Variants in WWTR1 observed in about 807,000 individuals in gnomAD.
WWTR1 encodes WW domain-containing transcription regulator protein 1.
WWTR1 carries 13 observed loss-of-function variants against 40.1 expected under a neutral mutation model. The ratio of observed to expected loss-of-function variants is 0.32; its 90% CI spans 0.21 to 0.52. The LOEUF (loss-of-function observed/expected upper bound fraction) is 0.52. WWTR1 is among the 20% of genes least tolerant of loss of function. The pLI is 0.97. For missense variants in WWTR1, 436 were observed against 523.1 expected (o/e 0.83, Z 1.63); for synonymous variants, 230 against 210.1 (o/e 1.09, Z -0.82).
At chr3:149,554,723 T>C (rs1306393733) in intron 3 of WWTR1, among the ~76,000 whole-genome samples, 1 of 152,160 alleles carries the variant, frequency 6.6e-6, no homozygotes, top group Non-Finnish European at 1.5e-5. Context: ...AAGAACTCTT[T>C]CTTCCACCTA....
chr3:149,694,033 G>A (rs1330631624), intron 1 of WWTR1, among the ~76,000 whole-genome samples: 1 of 152,120 alleles, frequency 6.6e-6, no homozygotes, highest in African/African-American at 2.4e-5. Context: ...GACAGCAAAG[G>A]ATATTATCAA....
chr3:149,695,813 A>T lies in WWTR1; in HGVS notation c.-108+7311T>A, dbSNP rs112708202. Among the ~76,000 whole-genome samples, 961 of 148,058 alleles carry T rather than the reference A, an allele frequency of 6.5e-3. 10 individuals carry two copies. The highest frequency in any genetic ancestry group is 0.022 in the African/African-American group (910 of 40,764). ...GAAAAAAATATATATATATATATTT[A>T]AAAAAGATCACACAGGAGGCCGGAC... On this transcript the variant is annotated intron_variant, in intron 1 of 7. Coordinates refer to the WWTR1 transcript ENST00000465804.
At chr3:149,576,546 T>C (rs1457783720) in intron 2 of WWTR1, among the ~76,000 whole-genome samples, 1 of 152,166 alleles carries the variant, frequency 6.6e-6, no homozygotes, top group Non-Finnish European at 1.5e-5. Context: ...TTAGTCTACT[T>C]CAAGAAAAAC....
At chr3:149,626,101 G>A (rs1342124716) in intron 2 of WWTR1, among the ~76,000 whole-genome samples, 2 of 152,134 alleles carry the variant, frequency 1.3e-5, no homozygotes, top group East Asian at 3.8e-4. Flanking sequence ...TTTCCTGCAG[G>A]CGCCAGGAAA....
At chr3:149,685,160 A>C (rs908372808) in intron 1 of WWTR1, among the ~76,000 whole-genome samples, 3 of 152,120 alleles carry the variant, frequency 2.0e-5, no homozygotes, top group Non-Finnish European at 4.4e-5. Context: ...CAAACCACTA[A>C]TTTAGCTGTT....
intron 4 of WWTR1, among the ~76,000 whole-genome samples, chr3:149,533,036 G>T (rs1735663368): frequency 6.6e-6 from 1 of 152,188 alleles, no homozygotes; most frequent in Non-Finnish European, 1.5e-5. Context: ...TCTAGTCGAG[G>T]CAGGAAAACA....
intron 4 of WWTR1, among the ~76,000 whole-genome samples, chr3:149,539,911 T>C (rs1736010044): frequency 6.6e-6 from 1 of 152,078 alleles, no homozygotes; most frequent in Non-Finnish European, 1.5e-5. Flanking sequence ...ATTTATTATA[T>C]GGTCTTAAAT....
At chr3:149,602,400 G>A (rs1385954751) in intron 2 of WWTR1, among the ~76,000 whole-genome samples, 1 of 152,208 alleles carries the variant, frequency 6.6e-6, no homozygotes, top group African/African-American at 2.4e-5. Context: ...AGATGGGAAG[G>A]CGTTATTGGC....
intron 3 of WWTR1, among the ~76,000 whole-genome samples, chr3:149,543,003 T>G (rs1411182158): frequency 6.6e-6 from 1 of 152,092 alleles, no homozygotes; most frequent in Admixed American, 6.5e-5. Context: ...AAACAACATG[T>G]AACACAAAGC....
intron 2 of WWTR1, among the ~76,000 whole-genome samples, chr3:149,600,795 A>G (rs183278766): frequency 1.3e-5 from 2 of 152,270 alleles, no homozygotes; most frequent in African/African-American, 4.8e-5. Flanking sequence ...CATGGCTCCT[A>G]CTTTCTGTTT....
intron 5 of WWTR1, among the ~76,000 whole-genome samples, chr3:149,708,976 T>C (rs1021041831): frequency 2.2e-4 from 33 of 152,056 alleles, no homozygotes; most frequent in African/African-American, 7.0e-4. Context: ...CCAATACTTA[T>C]CTTTTTATTT....
chr3:149,617,629 G>GTCT (rs1440672891), intron 2 of WWTR1, among the ~76,000 whole-genome samples: 1 of 152,136 alleles, frequency 6.6e-6, no homozygotes, highest in Non-Finnish European at 1.5e-5. Context: ...GTGAAATCCT[G>GTCT]TCTTCACTAA....
intron 2 of WWTR1, among the ~76,000 whole-genome samples, chr3:149,601,361 C>T (rs991496203): frequency 6.6e-6 from 1 of 152,034 alleles, no homozygotes; most frequent in Non-Finnish European, 1.5e-5. Flanking sequence ...CCATACCTGG[C>T]TAATTATTGT....
At chr3:149,531,696 T>C (rs900386777) in intron 4 of WWTR1, among the ~76,000 whole-genome samples, 2 of 152,108 alleles carry the variant, frequency 1.3e-5, no homozygotes, top group African/African-American at 2.4e-5. Context: ...CTGTCTAAAA[T>C]GGCCTCACCC....
At chr3:149,693,290 T>C (rs79677520) in intron 1 of WWTR1, among the ~76,000 whole-genome samples, 3,029 of 152,190 alleles carry the variant, frequency 0.02, 99 homozygotes, top group African/African-American at 0.068. Flanking sequence ...TGGTGATCTA[T>C]ACCATGACAA....
chr3:149,597,230 G>A (rs1739037086), intron 2 of WWTR1, among the ~76,000 whole-genome samples: 1 of 152,098 alleles, frequency 6.6e-6, no homozygotes, highest in South Asian at 2.1e-4. Flanking sequence ...TCTGTCGTAT[G>A]CTGACAACAA....
At chr3:149,669,213 A>T (rs1178259838) in intron 2 of WWTR1, among the ~76,000 whole-genome samples, 1 of 152,132 alleles carries the variant, frequency 6.6e-6, no homozygotes, top group African/African-American at 2.4e-5. Flanking sequence ...CAATACACAT[A>T]TACAATATAC....
At chr3:149,662,880 C>A (rs1378443653), upstream of WWTR1, among the ~76,000 whole-genome samples, 2 of 152,170 alleles carry the variant, frequency 1.3e-5, no homozygotes, top group African/African-American at 2.4e-5. Flanking sequence ...CGTTAATACA[C>A]CTACCTGAAC....
At chr3:149,570,951 G>C (rs1298964233) in intron 3 of WWTR1, among the ~76,000 whole-genome samples, 1 of 152,116 alleles carries the variant, frequency 6.6e-6, no homozygotes, top group African/African-American at 2.4e-5. Flanking sequence ...ATATCTACCA[G>C]ATAGGAGTTA....
Sources: allele counts gnomAD v4.1 joint callset (sites outside exome capture counted in the v4.1 genomes callset), GRCh38; gene constraint gnomAD v4.1.1; transcripts MANE v1.5; gene names NCBI Gene and HGNC (gene_info 2026-07-23, HGNC 2026-07-21).